The following SLC35A3 variants were observed in gnomAD, a reference collection of about 807,000 sequenced individuals.
SLC35A3 encodes UDP-N-acetylglucosamine transporter.
A neutral mutation model predicts 39.0 loss-of-function variants in SLC35A3; 26 were observed. The ratio of observed to expected loss-of-function variants is 0.67; its 90% CI spans 0.49 to 0.92. The LOEUF is 0.92. SLC35A3 is among the 40% of genes least tolerant of loss of function. The pLI is 0.00. For missense variants in SLC35A3, 299 were observed against 371.6 expected, an observed-to-expected ratio of 0.80 and a Z score of 1.61; for synonymous variants, 135 against 133.1, an observed-to-expected ratio of 1.01 and a Z score of -0.10.
At position 99,972,146 on chromosome 1, in the gene SLC35A3, C is replaced by T. The variant is rs184330614; in HGVS notation, c.-19+1984C>T. Among the ~76,000 whole-genome samples the T allele has an allele frequency of 4.1e-3, 626 of 152,058 alleles. 1 individual carries two copies. Among genetic ancestry groups the T allele is most frequent in the Admixed American group, 7.3e-3 (112 of 15,260 alleles). ...GAACTCCTGACCTCAGGTGATCCAC[C>T]TGCCTCGACATCCCAAAGTGTTGGG... is the stretch of plus-strand genomic sequence containing the variant. On this transcript the variant is annotated intron_variant, in intron 1 of 7. Coordinates refer to ENST00000533028, the MANE Select transcript of SLC35A3 (RefSeq NM_012243.3).
intron 1 of SLC35A3, among the ~76,000 whole-genome samples, chr1:99,984,300 T>A (rs559369093): frequency 1.3e-5 from 2 of 152,356 alleles, no homozygotes; most frequent in South Asian, 2.1e-4. Context: ...GGCCTTTGCA[T>A]CCTCATAGCT....
In SLC35A3 at chr1:100,031,221, AC is replaced by A. The variant is rs564931103; in HGVS notation, c.*8747del. On this transcript the variant is annotated 3_prime_UTR_variant, in exon 8 of 8. Coordinates refer to ENST00000533028, the MANE Select transcript of SLC35A3 (RefSeq NM_012243.3). The stretch of plus-strand genomic sequence containing the variant: ...CTCACACATGCGGCATTGTTAAAGA[AC>A]CTTTTTTAAAATTAAATTTTCTCCA... 6.6e-6 allele frequency: 1 copy of A among 152,176 alleles called. No individual in the cohort carries two copies. The highest frequency in any genetic ancestry group is 1.5e-5 in the Non-Finnish European group (1 of 68,030). The allele number at this position is 152,176 out of a possible 1,614,324, so 9.4% of individuals were successfully genotyped here. A position where few individuals can be genotyped will look rare whatever the true frequency, so the allele number is the denominator to read the frequency against.
At chr1:99,995,882 A>G (rs1557831792) in intron 2 of SLC35A3, among the ~76,000 whole-genome samples, 2 of 152,254 alleles carry the variant, frequency 1.3e-5, no homozygotes, top group Non-Finnish European at 2.9e-5. Context: ...ACAGAAGCAA[A>G]ATAGAAAGAT....
At chr1:99,978,745 A>G (rs1657268782) in intron 1 of SLC35A3, among the ~76,000 whole-genome samples, 1 of 152,172 alleles carries the variant, frequency 6.6e-6, no homozygotes. Context: ...TTCATTTAGT[A>G]TCTTTGTTGT....
At chr1:99,970,361 GT>G (rs772150681) in intron 1 of SLC35A3, 199 bp downstream of exon 1, 21 of 592,872 alleles carry the variant, frequency 3.5e-5, no homozygotes, top group Non-Finnish European at 5.7e-5. Context: ...GAGGTGACAC[GT>G]TGTAACTCCG....
intron 1 of SLC35A3, among the ~76,000 whole-genome samples, chr1:99,992,077 A>T (rs896025304): frequency 2.6e-5 from 4 of 152,116 alleles, no homozygotes; most frequent in Non-Finnish European, 5.9e-5. Flanking sequence ...TACCATGGTA[A>T]TGGTGGTTGA....
chr1:100,019,781 T>G (rs778870670), intron 7 of SLC35A3, among the ~76,000 whole-genome samples: 8 of 152,226 alleles, frequency 5.3e-5, no homozygotes, highest in Middle Eastern at 6.3e-3. Flanking sequence ...TCTAGGAAGA[T>G]AAGTTCAGAT....
In SLC35A3 at chr1:100,035,469, G is replaced by A. The variant is rs980072391; in HGVS notation, c.*12993G>A. ...CTGGGACATTCTGGACATTTAGTAT[G>A]TGTTAAATTTCTCTTACTACATTAT... is the stretch of plus-strand genomic sequence containing the variant. On this transcript the variant is annotated 3_prime_UTR_variant, in exon 8 of 8. Transcript: ENST00000533028. The A allele has an allele frequency of 2.0e-5, 3 of 152,184 alleles. No homozygotes were observed. Among genetic ancestry groups the A allele is most frequent in the Non-Finnish European group, 4.4e-5 (3 of 68,040 alleles). The allele number at this position is 152,184 out of a possible 1,614,324, so 9.4% of individuals were successfully genotyped here.
At position 100,033,472 on chromosome 1, in the gene SLC35A3, TTTC is replaced by T. The variant is rs1183849839; in HGVS notation, c.*10999_*11001del. 6.6e-6 allele frequency: 1 copy of T among 152,168 alleles called. No individual in the cohort carries two copies. Among genetic ancestry groups the T allele is most frequent in the African/African-American group, 2.4e-5 (1 of 41,438 alleles). The allele number at this position is 152,168 out of a possible 1,614,324, so 9.4% of individuals were successfully genotyped here. A position where few individuals can be genotyped will look rare whatever the true frequency, so the allele number is the denominator to read the frequency against. On this transcript the variant is annotated 3_prime_UTR_variant, in exon 8 of 8. Coordinates refer to ENST00000533028, the MANE Select transcript of SLC35A3 (RefSeq NM_012243.3). ...AGTTTTCCAATTTATCTTTCATGTG[TTTC>T]TTTTTAAAAAGCAAACAAATATGCA... is the stretch of plus-strand genomic sequence containing the variant.
In SLC35A3 at chr1:100,011,534, G is replaced by GT. The variant is rs1570615526; in HGVS notation, c.634+2dup. The GT allele has an allele frequency of 6.1e-6, 8 of 1,301,944 alleles. No individual in the cohort carries two copies. The highest frequency in any genetic ancestry group is 8.4e-6 in the Non-Finnish European group (8 of 956,596). The allele number at this position is 1,301,944 out of a possible 1,614,324, so 80.6% of individuals were successfully genotyped here. A position where few individuals can be genotyped will look rare whatever the true frequency, so the allele number is the denominator to read the frequency against. ...GTGTGGATAAGAAATATTCAGCTTG[G>GT]TAAGTTTTAAATGTTTTCTAATATT... On this transcript the variant is annotated splice_donor_variant, in intron 5 of 7. Coordinates refer to ENST00000533028, the MANE Select transcript of SLC35A3 (RefSeq NM_012243.3). LOFTEE classifies it high-confidence loss of function.
At chr1:100,014,150 A>G (rs1659883869) in intron 5 of SLC35A3, among the ~76,000 whole-genome samples, 1 of 152,246 alleles carries the variant, frequency 6.6e-6, no homozygotes, top group Non-Finnish European at 1.5e-5. Flanking sequence ...AATGATTTCT[A>G]TGACTATTTC....
intron 2 of SLC35A3, among the ~76,000 whole-genome samples, chr1:99,995,152 CTTTCTTTCTTTT>C (rs1171372637): frequency 3.9e-5 from 4 of 102,126 alleles, no homozygotes; most frequent in African/African-American, 1.4e-4. Flanking sequence ...TTCTTTCTTT[CTTTCTTTCTTTT>C]TTTTTCGAGA....
rs1394408415 is a variant in SLC35A3, at chr1:100,034,408, G to T, written c.*11932G>T. Reference sequence around the variant, plus strand: ...TTGAGTTTAAAAATTTTTATTTGCTGTGTTCTTTTATATGTGCAATTAATG... The same window carrying T: ...TTGAGTTTAAAAATTTTTATTTGCTTTGTTCTTTTATATGTGCAATTAATG... On this transcript the variant is annotated 3_prime_UTR_variant, in exon 8 of 8. Transcript: ENST00000533028. The T allele has an allele frequency of 6.6e-6, 1 of 152,054 alleles. No homozygotes were observed. The highest frequency in any genetic ancestry group is 2.1e-4 in the South Asian group (1 of 4,826). 9.4% of individuals were successfully genotyped at this position (152,054 alleles called of 1,614,324 possible).
intron 1 of SLC35A3, among the ~76,000 whole-genome samples, chr1:99,971,570 G>A (rs983512355): frequency 6.6e-6 from 1 of 152,188 alleles, no homozygotes; most frequent in African/African-American, 2.4e-5. Flanking sequence ...GCCTCTCAAA[G>A]TGCTGGGATT....
At chr1:100,001,650 A>G (rs1658811669) in intron 3 of SLC35A3, among the ~76,000 whole-genome samples, 1 of 152,028 alleles carries the variant, frequency 6.6e-6, no homozygotes, top group African/African-American at 2.4e-5. Flanking sequence ...GCAAAGAGGG[A>G]CAATTTGACT....
intron 1 of SLC35A3, chr1:99,970,487 A>G (rs559678755): frequency 6.8e-6 from 9 of 1,325,688 alleles, no homozygotes; most frequent in Admixed American, 2.0e-5. Flanking sequence ...GTGCGGAGCT[A>G]GTGACGGGTG....
intron 6 of SLC35A3, among the ~76,000 whole-genome samples, chr1:100,016,860 TA>T: frequency 6.6e-6 from 1 of 152,240 alleles, no homozygotes; most frequent in East Asian, 1.9e-4. Flanking sequence ...TGAGAAAAAT[TA>T]AAAATGTTTG....
intron 2 of SLC35A3, among the ~76,000 whole-genome samples, chr1:99,996,551 G>A (rs1346372796): frequency 6.6e-6 from 1 of 152,038 alleles, no homozygotes; most frequent in Non-Finnish European, 1.5e-5. Flanking sequence ...TTAATACCAG[G>A]AATTGGTGAT....
chr1:100,011,659 T>C (rs1320521638), intron 5 of SLC35A3, 126 bp downstream of exon 5: 2 of 303,472 alleles, frequency 6.6e-6, no homozygotes, highest in Non-Finnish European at 1.2e-5. Context: ...TATCTGGCAA[T>C]GCTCTTGTCT....
Sources: gnomAD v4.1 joint callset for allele counts (sites outside exome capture counted in the v4.1 genomes callset) on GRCh38, gnomAD v4.1.1 for gene constraint, MANE v1.5 for transcripts, NCBI Gene and HGNC (gene_info 2026-07-23, HGNC 2026-07-21) for gene names.